BICD1: variants seen among roughly 807,000 people sequenced by gnomAD.
The protein encoded by BICD1 is protein bicaudal D homolog 1.
A neutral mutation model predicts 92.5 loss-of-function variants in BICD1; 35 were observed. The ratio of observed to expected loss-of-function variants is 0.38; its 90% CI spans 0.29 to 0.50. The LOEUF (loss-of-function observed/expected upper bound fraction) is 0.50. Ranked by LOEUF, BICD1 falls within the 20% of genes least tolerant of loss-of-function variation. BICD1 has a pLI of 0.93. For synonymous variants in BICD1, 429 were observed against 465.1 expected, an observed-to-expected ratio of 0.92 and a Z score of 1.00; for missense variants, 950 against 1,189.8, an observed-to-expected ratio of 0.80 and a Z score of 2.97.
At chr12:32,150,662 A>G (rs908200992) in intron 1 of BICD1, among the ~76,000 whole-genome samples, 12 of 152,154 alleles carry the variant, frequency 7.9e-5, no homozygotes, top group African/African-American at 2.9e-4. Flanking sequence ...GTGTGGCACA[A>G]GTTTGGGGAG....
chr12:32,363,765 G>A (rs1201421125), intron 8 of BICD1, among the ~76,000 whole-genome samples: 1 of 152,138 alleles, frequency 6.6e-6, no homozygotes, highest in Non-Finnish European at 1.5e-5. Context: ...TATCATAGGA[G>A]GCAATACAGT....
At chr12:32,316,659 TGAG>T (rs1948509737) in intron 4 of BICD1, among the ~76,000 whole-genome samples, 1 of 152,138 alleles carries the variant, frequency 6.6e-6, no homozygotes, top group African/African-American at 2.4e-5. Flanking sequence ...CATCACAAGT[TGAG>T]GAGCATCTGT....
intron 1 of BICD1, among the ~76,000 whole-genome samples, chr12:32,141,665 G>C (rs1183101313): frequency 6.6e-6 from 1 of 152,106 alleles, no homozygotes; most frequent in Non-Finnish European, 1.5e-5. Context: ...GTAGAGGTGG[G>C]GTTTCACCAT....
At chr12:32,332,510 C>T (rs1292843471) in intron 5 of BICD1, 1 of 901,308 alleles carries the variant, frequency 1.1e-6, no homozygotes, top group African/African-American at 1.8e-5. Flanking sequence ...CCATCTAGCA[C>T]TGTGCTAGAT....
intron 2 of BICD1, among the ~76,000 whole-genome samples, chr12:32,286,584 G>A (rs778122811): frequency 1.7e-4 from 26 of 152,144 alleles, no homozygotes; most frequent in Non-Finnish European, 2.9e-4. Flanking sequence ...CAGAAACCAA[G>A]TAACTTGACA....
intron 2 of BICD1, among the ~76,000 whole-genome samples, chr12:32,245,695 T>C (rs1241551235): frequency 6.6e-6 from 1 of 152,022 alleles, no homozygotes; most frequent in East Asian, 1.9e-4. Context: ...GCAAAGCTCT[T>C]AGAGTAGTTA....
intron 8 of BICD1, among the ~76,000 whole-genome samples, chr12:32,346,110 C>T (rs1331270749): frequency 6.6e-6 from 1 of 151,422 alleles, no homozygotes; most frequent in Non-Finnish European, 1.5e-5. Flanking sequence ...GATCGTGCAA[C>T]TGCACTCCAG....
intron 8 of BICD1, among the ~76,000 whole-genome samples, chr12:32,360,200 G>A (rs1939273296): frequency 6.6e-6 from 1 of 151,692 alleles, no homozygotes; most frequent in Non-Finnish European, 1.5e-5. Flanking sequence ...GAATATATGA[G>A]TTGCCCATTT....
At chr12:32,186,402 C>T (rs878949668) in intron 1 of BICD1, among the ~76,000 whole-genome samples, 1 of 152,022 alleles carries the variant, frequency 6.6e-6, no homozygotes, top group Admixed American at 6.6e-5. Flanking sequence ...TAGTGGCCAC[C>T]GTATTGGACC....
chr12:32,326,000 G>A (rs896684382), intron 4 of BICD1, among the ~76,000 whole-genome samples: 14 of 141,750 alleles, frequency 9.9e-5, no homozygotes, highest in Non-Finnish European at 2.0e-4. Flanking sequence ...GGAGAATGGC[G>A]TGAACCTGGG....
rs1313930304 is a variant in BICD1, at chr12:32,107,729, A to T, written c.213+185A>T. On this transcript the variant is annotated intron_variant, in intron 1 of 9. Coordinates refer to ENST00000652176, the MANE Select transcript of BICD1 (RefSeq NM_001714.4). Reference sequence around the variant, plus strand: ...CCTCCCCCAAGAGAAAAATTGCCTAAGAAATGAATATATAAGCTGGAATTT... The same window carrying T: ...CCTCCCCCAAGAGAAAAATTGCCTATGAAATGAATATATAAGCTGGAATTT... The T allele has an allele frequency of 3.9e-6, 3 of 772,406 alleles. No individual in the cohort carries two copies. In the South Asian group the frequency reaches 4.4e-5, roughly 11 times the overall value. 47.8% of individuals were successfully genotyped at this position (772,406 alleles called of 1,614,324 possible).
chr12:32,359,401 A>T (rs146767314), intron 8 of BICD1, among the ~76,000 whole-genome samples: 1 of 151,934 alleles, frequency 6.6e-6, no homozygotes, highest in Non-Finnish European at 1.5e-5. Flanking sequence ...GCTGGTGGGG[A>T]CTCTGCAGAG....
intron 2 of BICD1, among the ~76,000 whole-genome samples, chr12:32,221,360 T>TAAAA (rs1473813809): frequency 4.9e-5 from 7 of 142,730 alleles, no homozygotes; most frequent in East Asian, 2.7e-4. Flanking sequence ...AATAAAAAAA[T>TAAAA]AAATAAATAA....
At chr12:32,150,839 A>T (rs1037264004) in intron 1 of BICD1, among the ~76,000 whole-genome samples, 2 of 152,136 alleles carry the variant, frequency 1.3e-5, no homozygotes, top group Non-Finnish European at 1.5e-5. Context: ...AGAGACAAGA[A>T]CCCCTTCCAC....
intron 8 of BICD1, among the ~76,000 whole-genome samples, chr12:32,364,453 C>T (rs536264713): frequency 3.9e-5 from 6 of 152,248 alleles, no homozygotes; most frequent in South Asian, 2.1e-4. Context: ...AAGACACATC[C>T]GTGGCTCAGC....
chr12:32,251,955 T>A (rs564271982), intron 2 of BICD1, among the ~76,000 whole-genome samples: 2 of 140,538 alleles, frequency 1.4e-5, no homozygotes, highest in African/African-American at 5.3e-5. Flanking sequence ...TTGTTTTTTT[T>A]ACAAAACTTT....
intron 1 of BICD1, among the ~76,000 whole-genome samples, chr12:32,161,254 G>A (rs1024320741): frequency 3.3e-5 from 5 of 152,084 alleles, no homozygotes; most frequent in Non-Finnish European, 7.3e-5. Context: ...ATGGCATGCC[G>A]TATAACAAAT....
chr12:32,283,236 G>A (rs947862921), intron 2 of BICD1, among the ~76,000 whole-genome samples: 4 of 152,168 alleles, frequency 2.6e-5, no homozygotes, highest in Non-Finnish European at 5.9e-5. Flanking sequence ...TAGAATTTGA[G>A]AGATTCAGGA....
chr12:32,156,251 A>G (rs180678894), intron 1 of BICD1, among the ~76,000 whole-genome samples: 72 of 152,322 alleles, frequency 4.7e-4, no homozygotes, highest in African/African-American at 1.6e-3. Context: ...AAGGCACGCT[A>G]CAGTTCAGGC....
Sources: gnomAD v4.1 joint callset for allele counts (sites outside exome capture counted in the v4.1 genomes callset) on GRCh38, gnomAD v4.1.1 for gene constraint, MANE v1.5 for transcripts, NCBI Gene and HGNC (gene_info 2026-07-23, HGNC 2026-07-21) for gene names.